The following PPA1 variants were observed in gnomAD, a reference collection of about 807,000 sequenced individuals.
PPA1 encodes the protein inorganic pyrophosphatase.
PPA1 carries 23 observed loss-of-function variants against 41.8 expected under a neutral mutation model. The ratio of observed to expected loss-of-function variants is 0.55; its 90% CI spans 0.40 to 0.78. The LOEUF (loss-of-function observed/expected upper bound fraction) is 0.78. Among genes scored for constraint, PPA1 ranks in the 30% least tolerant of loss-of-function variants. PPA1 has a pLI of 0.00. For missense variants in PPA1, 320 were observed against 361.6 expected (o/e 0.89, Z 0.93); for synonymous variants, 101 against 116.8 (o/e 0.86, Z 0.87).
At chr10:70,222,058 G>A (rs1840176472) in intron 2 of PPA1, among the ~76,000 whole-genome samples, 1 of 152,082 alleles carries the variant, frequency 6.6e-6, no homozygotes, top group East Asian at 1.9e-4. Context: ...GGTGAGGCCG[G>A]GGGGTGGTGG....
chr10:70,206,398 A>G (rs1266750318), intron 8 of PPA1, 65 bp from the exon 9 acceptor site: 5 of 1,240,194 alleles, frequency 4.0e-6, no homozygotes, highest in Non-Finnish European at 5.9e-6. Flanking sequence ...AGAGTTAAAA[A>G]ATGAGTTGAA....
chr10:70,230,662 G>A (rs1840280200), intron 1 of PPA1, among the ~76,000 whole-genome samples: 1 of 151,892 alleles, frequency 6.6e-6, no homozygotes, highest in South Asian at 2.1e-4. Context: ...GGGAGGTGGT[G>A]TTGCCATGTT....
intron 6 of PPA1, among the ~76,000 whole-genome samples, chr10:70,211,426 T>C (rs1034184813): frequency 1.8e-4 from 28 of 152,268 alleles, no homozygotes; most frequent in Middle Eastern, 3.4e-3. Context: ...CCTCCTGTAC[T>C]TTTGACTATC....
chr10:70,211,160 T>C (rs1840015219), intron 6 of PPA1, among the ~76,000 whole-genome samples: 1 of 152,190 alleles, frequency 6.6e-6, no homozygotes, highest in Non-Finnish European at 1.5e-5. Context: ...CACTGGGAAA[T>C]GTTTAAGCAC....
intron 6 of PPA1, chr10:70,210,084 C>CT (rs778569828): frequency 0.057 from 14,410 of 254,478 alleles, 1 homozygote; most frequent in South Asian, 0.11. Context: ...CAGAGGTTAT[C>CT]TTTTTTTTTT....
intron 1 of PPA1, among the ~76,000 whole-genome samples, 176 bp downstream of exon 1, chr10:70,233,088 C>A (rs1423841365): frequency 2.0e-5 from 3 of 152,134 alleles, no homozygotes; most frequent in Non-Finnish European, 4.4e-5. Context: ...CTCGCCGCCC[C>A]GACCGGCGGC....
At chr10:70,232,201 C>T (rs80349070) in intron 1 of PPA1, among the ~76,000 whole-genome samples, 1 of 152,158 alleles carries the variant, frequency 6.6e-6, no homozygotes. Flanking sequence ...TCCTTCAATG[C>T]CTATTCATTC....
At position 70,214,518 on chromosome 10, in the gene PPA1, C is replaced by T. The variant is rs1332685208; in HGVS notation, c.366G>A (p.Val122=). Reference sequence around the variant, plus strand: ...TCATTACCTTGCTTCCAATTTCACACACATCAATTGGGTCATTGTCACCAC... The same window carrying T: ...TCATTACCTTGCTTCCAATTTCACATACATCAATTGGGTCATTGTCACCAC... ...GCCGDNDPID[V]CEIGSKVCAR... is the part of the protein sequence containing the mutation. Residue 122 remains valine (V), a synonymous_variant, in exon 5 of 11, where the codon GTG becomes GTA. Transcript: ENST00000373232. 4 of 1,613,006 alleles carry T rather than the reference C, an allele frequency of 2.5e-6. No individual in the cohort carries two copies. Among genetic ancestry groups the T allele is most frequent in the Admixed American group, 1.7e-5 (1 of 59,902 alleles).
intron 5 of PPA1, 49 bp from the exon 6 acceptor site, chr10:70,213,638 A>G: frequency 6.4e-7 from 1 of 1,563,948 alleles, no homozygotes; most frequent in Non-Finnish European, 8.7e-7. Flanking sequence ...ACCACACTCT[A>G]GAAGACAGTT....
intron 2 of PPA1, among the ~76,000 whole-genome samples, chr10:70,228,886 A>G (rs1216019091): frequency 6.6e-6 from 1 of 152,218 alleles, no homozygotes; most frequent in African/African-American, 2.4e-5. Flanking sequence ...AAAAACAGTA[A>G]GACAGCACAC....
intron 2 of PPA1, among the ~76,000 whole-genome samples, chr10:70,221,037 T>TAA (rs2136764615): frequency 1.4e-5 from 1 of 72,416 alleles, no homozygotes; most frequent in African/African-American, 7.5e-5. Context: ...AATATATATA[T>TAA]AAATTATATA....
intron 8 of PPA1, among the ~76,000 whole-genome samples, chr10:70,208,618 A>G (rs1312185882): frequency 1.3e-5 from 2 of 152,034 alleles, no homozygotes; most frequent in Non-Finnish European, 2.9e-5. Flanking sequence ...AATGAGCCAT[A>G]TAGCACCCAG....
At chr10:70,223,143 C>T (rs1470306719) in intron 2 of PPA1, among the ~76,000 whole-genome samples, 1 of 151,974 alleles carries the variant, frequency 6.6e-6, no homozygotes, top group Non-Finnish European at 1.5e-5. Flanking sequence ...GGCAGGAGGA[C>T]CGCTTGAGGC....
At chr10:70,214,987 G>C (rs1840062658) in intron 4 of PPA1, among the ~76,000 whole-genome samples, 1 of 152,152 alleles carries the variant, frequency 6.6e-6, no homozygotes, top group African/African-American at 2.4e-5. Flanking sequence ...CTGAGGTCAG[G>C]AGTTTGAGAC....
chr10:70,206,621 G>T (rs1030403217), intron 8 of PPA1, among the ~76,000 whole-genome samples: 4 of 151,628 alleles, frequency 2.6e-5, no homozygotes, highest in Non-Finnish European at 2.9e-5. Context: ...TGAGGCAGGC[G>T]GATCATGAGG....
chr10:70,218,927 G>T, intron 2 of PPA1, 110 bp from the exon 3 acceptor site: 1 of 750,688 alleles, frequency 1.3e-6, no homozygotes, highest in African/African-American at 1.8e-5. Flanking sequence ...GATCTTTGAA[G>T]TCAATTGGAT....
intron 10 of PPA1, 152 bp from the exon 11 acceptor site, chr10:70,203,338 C>T: frequency 1.5e-6 from 1 of 682,092 alleles, no homozygotes. Flanking sequence ...TTCTCTACAG[C>T]AAATGCAGGT....
chr10:70,222,589 G>A (rs1036040597), intron 2 of PPA1, among the ~76,000 whole-genome samples: 8 of 152,182 alleles, frequency 5.3e-5, no homozygotes, highest in East Asian at 1.9e-4. Flanking sequence ...TAGAATTCTC[G>A]CCTGCTAAAT....
At chr10:70,203,371 A>C (rs1839902627) in intron 10 of PPA1, among the ~76,000 whole-genome samples, 185 bp from the exon 11 acceptor site, 2 of 152,016 alleles carry the variant, frequency 1.3e-5, no homozygotes, top group Admixed American at 1.3e-4. Flanking sequence ...GCTTCCTTAC[A>C]CTTCATGCTA....
Sources: allele counts gnomAD v4.1 joint callset (sites outside exome capture counted in the v4.1 genomes callset), GRCh38; gene constraint gnomAD v4.1.1; transcripts MANE v1.5; gene names NCBI Gene and HGNC (gene_info 2026-07-23, HGNC 2026-07-21).